YWHAZ: variants seen among roughly 807,000 people sequenced by gnomAD.
YWHAZ encodes the protein 14-3-3 protein zeta/delta.
For missense variants in YWHAZ, 79 were observed against 284.8 expected, an observed-to-expected ratio of 0.28 and a Z score of 5.20; for synonymous variants, 87 against 103.6, an observed-to-expected ratio of 0.84 and a Z score of 0.97.
chr8:100,933,883 G>A (rs1186070340), intron 2 of YWHAZ, among the ~76,000 whole-genome samples: 3 of 152,066 alleles, frequency 2.0e-5, no homozygotes, highest in Admixed American at 6.6e-5. Flanking sequence ...GTGGCCAGGC[G>A]CGGTGGCTAA....
At position 100,948,501 on chromosome 8, in the gene YWHAZ, A is replaced by C. The variant is rs1810471690; in HGVS notation, c.294+95T>G. The C allele has an allele frequency of 1.2e-5, 16 of 1,362,530 alleles. No homozygotes were observed. In the South Asian group the frequency reaches 2.1e-4, roughly 18 times the overall value. 84.4% of individuals were successfully genotyped at this position (1,362,530 alleles called of 1,614,324 possible). On this transcript the variant is annotated intron_variant, in intron 2 of 5. Coordinates refer to ENST00000395958, the MANE Select transcript of YWHAZ (RefSeq NM_145690.3). The surrounding 1 kb of genome is among the most constrained non-coding windows in gnomAD (Gnocchi z 4.2). ...AAATTTGGAACACACAATGTTTAGA[A>C]GGAAAAGAAAAACCAAACAAAAAGT... is the stretch of plus-strand genomic sequence containing the variant.
At chr8:100,942,430 C>T (rs950009339) in intron 2 of YWHAZ, among the ~76,000 whole-genome samples, 6 of 152,158 alleles carry the variant, frequency 3.9e-5, no homozygotes, top group Non-Finnish European at 8.8e-5. Flanking sequence ...AGTGAATGAT[C>T]GGTTACATAG....
At chr8:100,951,139 G>C in intron 1 of YWHAZ, 6 of 976,544 alleles carry the variant, frequency 6.1e-6, no homozygotes, top group Non-Finnish European at 7.3e-6. Flanking sequence ...GCGGAGCCCA[G>C]GAAATTCAGC....
chr8:100,933,743 A>G (rs959165500), intron 2 of YWHAZ, among the ~76,000 whole-genome samples: 5 of 152,196 alleles, frequency 3.3e-5, no homozygotes, highest in African/African-American at 1.2e-4. Context: ...GTGGTGGCTT[A>G]TACCTTTAAT....
intron 2 of YWHAZ, among the ~76,000 whole-genome samples, chr8:100,939,006 A>C (rs1356196260): frequency 5.3e-5 from 8 of 152,272 alleles, no homozygotes; most frequent in Admixed American, 5.2e-4. Flanking sequence ...CTAATCACTT[A>C]ACGCATTTTC....
chr8:100,944,341 A>T (rs1810105508), intron 2 of YWHAZ, among the ~76,000 whole-genome samples: 1 of 152,218 alleles, frequency 6.6e-6, no homozygotes, highest in African/African-American at 2.4e-5. Context: ...GGCTGGAGAT[A>T]AAAATCAGTG....
chr8:100,921,270 C>A (rs1183071886), intron 5 of YWHAZ, among the ~76,000 whole-genome samples: 1 of 152,104 alleles, frequency 6.6e-6, no homozygotes, highest in East Asian at 1.9e-4. Context: ...ATCTCGTGAT[C>A]CACCCACCTC....
intron 2 of YWHAZ, among the ~76,000 whole-genome samples, chr8:100,941,711 G>GA (rs1420461922): frequency 2.0e-5 from 3 of 151,930 alleles, no homozygotes; most frequent in African/African-American, 7.3e-5. Context: ...CTTGAACCCG[G>GA]AAGGTGGAGG....
Position 100,951,467 on chromosome 8 carries a change from C to A in YWHAZ, c.-12+462G>T, listed in dbSNP as rs1810772941. On this transcript the variant is annotated intron_variant, in intron 1 of 5. Coordinates refer to ENST00000395958, the MANE Select transcript of YWHAZ (RefSeq NM_145690.3). ...GGGGGCGGCCTCACCTGCGCCACTG[C>A]GATGCCCGCCGCCGCCGCCGCCGAG... is the stretch of plus-strand genomic sequence containing the variant. 5.1e-6 allele frequency: 5 copies of A among 980,232 alleles called. No homozygotes were observed. The East Asian group carries it at 3.4e-4, about 67-fold the overall frequency. The allele number at this position is 980,232 out of a possible 1,614,324, so 60.7% of individuals were successfully genotyped here.
intron 2 of YWHAZ, among the ~76,000 whole-genome samples, chr8:100,944,071 A>G (rs1461112637): frequency 6.6e-6 from 1 of 152,154 alleles, no homozygotes; most frequent in Admixed American, 6.5e-5. Flanking sequence ...GGGATTATTT[A>G]TACTTTGAAA....
In YWHAZ at chr8:100,917,220, A is replaced by G. The variant is rs547269374; in HGVS notation, c.*3473T>C. The G allele has an allele frequency of 6.6e-6, 1 of 152,330 alleles. No individual in the cohort carries two copies. The highest frequency in any genetic ancestry group is 2.4e-5 in the African/African-American group (1 of 41,578). 9.4% of individuals were successfully genotyped at this position (152,330 alleles called of 1,614,324 possible). A position where few individuals can be genotyped will look rare whatever the true frequency, so the allele number is the denominator to read the frequency against. On this transcript the variant is annotated 3_prime_UTR_variant, in exon 6 of 6. Transcript: ENST00000395958. Reference sequence around the variant, plus strand: ...GACTGGTGACTCTTTTGCAGGAAAAACATAATAAACAAATTGAGCCCCAAA... The same window carrying G: ...GACTGGTGACTCTTTTGCAGGAAAAGCATAATAAACAAATTGAGCCCCAAA...
chr8:100,939,595 G>A (rs1745844824), intron 2 of YWHAZ, among the ~76,000 whole-genome samples: 1 of 151,816 alleles, frequency 6.6e-6, no homozygotes, highest in African/African-American at 2.4e-5. Context: ...GGAGACGGAG[G>A]ATGTGGTGAG....
In YWHAZ at chr8:100,917,962, CATT is replaced by C. The variant is rs1241273959; in HGVS notation, c.*2728_*2730del. The C allele has an allele frequency of 6.6e-6, 1 of 152,176 alleles. No homozygotes were observed. Among genetic ancestry groups the C allele is most frequent in the Non-Finnish European group, 1.5e-5 (1 of 68,024 alleles). 9.4% of individuals were successfully genotyped at this position (152,176 alleles called of 1,614,324 possible). ...TTAGTTAATACTAGTGAAGTGTTTTCATTATTCCAGGATCAACCTAGTTCAGAT... is the reference window on the plus strand; with the variant it reads ...TTAGTTAATACTAGTGAAGTGTTTTCATTCCAGGATCAACCTAGTTCAGAT... On this transcript the variant is annotated 3_prime_UTR_variant, in exon 6 of 6. Coordinates refer to ENST00000395958, the MANE Select transcript of YWHAZ (RefSeq NM_145690.3).
intron 2 of YWHAZ, among the ~76,000 whole-genome samples, chr8:100,945,697 A>G (rs189556303): frequency 2.0e-5 from 3 of 152,166 alleles, no homozygotes; most frequent in Admixed American, 2.0e-4. Flanking sequence ...CAGAAAGGGC[A>G]GAAGGAATTT....
At chr8:100,947,068 A>G (rs1810340573) in intron 2 of YWHAZ, among the ~76,000 whole-genome samples, 1 of 151,760 alleles carries the variant, frequency 6.6e-6, no homozygotes, top group South Asian at 2.1e-4. Flanking sequence ...CCTGGCTAAC[A>G]TGGTGAAACC....
chr8:100,950,608 C>A, intron 1 of YWHAZ: 1 of 986,018 alleles, frequency 1.0e-6, no homozygotes, highest in Non-Finnish European at 1.2e-6. Flanking sequence ...TAATTCCTCC[C>A]CCCGACCGGA....
chr8:100,934,652 C>G (rs1814009098), intron 2 of YWHAZ, among the ~76,000 whole-genome samples: 1 of 152,076 alleles, frequency 6.6e-6, no homozygotes, highest in South Asian at 2.1e-4. Context: ...GCCATCTGCA[C>G]TCCAACCTGG....
chr8:100,926,686 CCT>C (rs1813388743), intron 2 of YWHAZ, among the ~76,000 whole-genome samples: 1 of 152,172 alleles, frequency 6.6e-6, no homozygotes, highest in Non-Finnish European at 1.5e-5. Flanking sequence ...AGGATAGCAA[CCT>C]CTGTCTTACA....
At chr8:100,929,344 C>A (rs1167865842) in intron 2 of YWHAZ, among the ~76,000 whole-genome samples, 1 of 152,084 alleles carries the variant, frequency 6.6e-6, no homozygotes, top group East Asian at 1.9e-4. Context: ...GGATTACAGG[C>A]ATGTGCCACC....
Sources: gnomAD v4.1 joint callset for allele counts (sites outside exome capture counted in the v4.1 genomes callset) on GRCh38, gnomAD v4.1.1 for gene constraint, Gnocchi (gnomAD v3.1) non-coding constraint, MANE v1.5 for transcripts, NCBI Gene and HGNC (gene_info 2026-07-23, HGNC 2026-07-21) for gene names.